KRT79: variants seen among roughly 807,000 people sequenced by gnomAD.
KRT79 encodes keratin 79.
KRT79 carries 51 observed loss-of-function variants against 49.0 expected under a neutral mutation model. The ratio of observed to expected loss-of-function variants is 1.04; its 90% confidence interval spans 0.83 to 1.31. The LOEUF is 1.31. Ranked by LOEUF, KRT79 falls within the 40% of genes most tolerant of loss-of-function variation. KRT79 has a pLI of 0.00. For missense variants in KRT79, 728 were observed against 688.0 expected (o/e 1.06, Z -0.65); for synonymous variants, 312 against 286.6 (o/e 1.09, Z -0.90).
intron 4 of KRT79, among the ~76,000 whole-genome samples, chr12:52,826,220 A>T (rs1263561595): frequency 6.6e-6 from 1 of 152,164 alleles, no homozygotes; most frequent in Non-Finnish European, 1.5e-5. Context: ...GGATGAGGTG[A>T]TGCAATGGTC....
At position 52,821,937 on chromosome 12, in the gene KRT79, C is replaced by T. The variant is rs1417912439; in HGVS notation, c.1543G>A (p.Val515Ile). 6.2e-7 allele frequency: 1 copy of T among 1,614,198 alleles called. No individual in the cohort carries two copies. Among genetic ancestry groups the T allele is most frequent in the East Asian group, 2.2e-5 (1 of 44,866 alleles). ...VGYSTVKGGP[V>I]SAGTSILRKT... ...CGCAGGATGGAGGTGCCCGCAGAGA[C>T]TGGCCCTCCCTTGACGGTGCTATAG... Residue 515 changes from valine (V) to isoleucine (I), a missense_variant, in exon 9 of 9, where the codon GTC (valine) becomes ATC (isoleucine). Transcript: ENST00000330553.
At chr12:52,829,961 T>C (rs567581008) in intron 4 of KRT79, 62 bp downstream of exon 4, 1 of 1,404,374 alleles carries the variant, frequency 7.1e-7, no homozygotes, top group Non-Finnish European at 1.0e-6. Flanking sequence ...CAGACCTCCA[T>C]GGAAAACGCC....
chr12:52,831,809 C>G (rs113086269), intron 1 of KRT79, among the ~76,000 whole-genome samples, 183 bp from the exon 2 acceptor site: 139 of 152,294 alleles, frequency 9.1e-4, no homozygotes, highest in African/African-American at 3.0e-3. Flanking sequence ...ACCGTCCAAT[C>G]TGATGGAAAG....
intron 1 of KRT79, 107 bp downstream of exon 1, chr12:52,833,677 C>T (rs1308162633): frequency 4.4e-6 from 4 of 914,130 alleles, no homozygotes; most frequent in Non-Finnish European, 7.2e-6. Flanking sequence ...CTCTATCAAC[C>T]ACCACCCTAG....
chr12:52,824,668 C>G (rs1356182806), intron 4 of KRT79, among the ~76,000 whole-genome samples: 2 of 152,242 alleles, frequency 1.3e-5, no homozygotes, highest in Non-Finnish European at 2.9e-5. Flanking sequence ...CTAGCACATT[C>G]ACTAACCCCT....
In KRT79 at chr12:52,834,275, C is replaced by T. The variant is rs370509343; in HGVS notation, c.-15G>A. 2.8e-5 allele frequency: 45 copies of T among 1,601,620 alleles called. No homozygotes were observed. Among genetic ancestry groups the T allele is most frequent in the South Asian group, 9.9e-5 (9 of 90,792 alleles). The stretch of plus-strand genomic sequence containing the variant: ...GAGGACCTCATAGCTGCAGAGGGGC[C>T]GGAGGGCAGGATGAGAGGGCAGGAA... On this transcript the variant is annotated 5_prime_UTR_variant, in exon 1 of 9. Coordinates refer to ENST00000330553, the MANE Select transcript of KRT79 (RefSeq NM_175834.3).
chr12:52,829,704 C>A (rs1013622517), intron 4 of KRT79, among the ~76,000 whole-genome samples: 1 of 152,170 alleles, frequency 6.6e-6, no homozygotes, highest in African/African-American at 2.4e-5. Flanking sequence ...AGTTCAAGAC[C>A]AGCCTGGCCA....
In KRT79 at chr12:52,834,013, C is replaced by A. The variant is rs376794232; in HGVS notation, c.248G>T (p.Arg83Leu). The A allele has an allele frequency of 1.2e-6, 2 of 1,612,488 alleles. No individual in the cohort carries two copies. Among genetic ancestry groups the A allele is most frequent in the Non-Finnish European group, 1.7e-6 (2 of 1,179,256 alleles). Residue 83 changes from arginine to leucine, a missense_variant, in exon 1 of 9, where the codon CGG becomes CTG. Coordinates refer to ENST00000330553, the MANE Select transcript of KRT79 (RefSeq NM_175834.3). The part of the protein sequence containing the change: ...VSVAGGALLG[R>L]ALGGFGFGSR... ...GCCAAAGCCAAAGCCCCCCAGAGCC[C>A]GCCCCAACAAGGCCCCTCCGGCCAC... is the stretch of plus-strand genomic sequence containing the variant.
Position 52,834,093 on chromosome 12 carries a change from G to A in KRT79, c.168C>T (p.Gly56=), listed in dbSNP as rs1474705246. The change falls in exon 1 of 9, where the codon GGC becomes GGT. Residue 56 remains glycine (G), a synonymous_variant. Coordinates refer to ENST00000330553, the MANE Select transcript of KRT79 (RefSeq NM_175834.3). ...AGTTATAGAGGCTTCGGCTGCCAAA[G>A]CCACCTGTGCCGGGGCCACAGTGGG... ...GGAHCGPGTG[G]FGSRSLYNLG... 2 of 1,613,106 alleles carry A rather than the reference G, an allele frequency of 1.2e-6. No homozygotes were observed. Among genetic ancestry groups the A allele is most frequent in the Admixed American group, 1.7e-5 (1 of 59,996 alleles).
intron 7 of KRT79, 107 bp downstream of exon 7, chr12:52,822,909 G>T (rs1249912978): frequency 3.6e-6 from 4 of 1,107,680 alleles, no homozygotes; most frequent in Non-Finnish European, 3.8e-6. Flanking sequence ...TCAGGATCTT[G>T]CTCCCTGGTT....
At chr12:52,826,323 G>A (rs1940175224) in intron 4 of KRT79, among the ~76,000 whole-genome samples, 1 of 151,948 alleles carries the variant, frequency 6.6e-6, no homozygotes, top group African/African-American at 2.4e-5. Context: ...AGGCTAGCCT[G>A]GGGAAAATGG....
At position 52,823,820 on chromosome 12, in the gene KRT79, C is replaced by A. The variant is rs201910271; in HGVS notation, c.1146+67G>T. 7.1e-6 allele frequency: 11 copies of A among 1,548,512 alleles called. No homozygotes were observed. In the Admixed American group the frequency reaches 2.3e-4, roughly 32 times the overall value. ...CAGGAGAAGAGCAGGCCTAGCCCCT[C>A]GGGGTGACAATGAGAAGGCCCTGCC... On this transcript the variant is annotated intron_variant, in intron 6 of 8. Coordinates refer to ENST00000330553, the MANE Select transcript of KRT79 (RefSeq NM_175834.3).
At position 52,833,166 on chromosome 12, in the gene KRT79, T is replaced by C. The variant is rs141985388; in HGVS notation, c.477+618A>G. ...CAAATTCCACATTCCCAGAGCTTGG[T>C]GACCTGGTGACCACCCTCCTCATTG... is the stretch of plus-strand genomic sequence containing the variant. On this transcript the variant is annotated intron_variant, in intron 1 of 8. Transcript: ENST00000330553. Among the ~76,000 whole-genome samples the C allele has an allele frequency of 2.3e-3, 345 of 152,276 alleles. 2 individuals are homozygous for C. Among genetic ancestry groups the C allele is most frequent in the African/African-American group, 7.8e-3 (324 of 41,550 alleles).
chr12:52,822,314 G>A, intron 8 of KRT79, 31 bp downstream of exon 8: 3 of 1,601,452 alleles, frequency 1.9e-6, no homozygotes, highest in South Asian at 1.1e-5. Flanking sequence ...CTGGCCAGGG[G>A]TGGAGCAGGA....
At position 52,822,055 on chromosome 12, in the gene KRT79, A is replaced by T; in HGVS notation, c.1425T>A (p.Thr475=). 6.2e-7 allele frequency: 1 copy of T among 1,614,052 alleles called. No individual in the cohort carries two copies. The highest frequency in any genetic ancestry group is 8.5e-7 in the Non-Finnish European group (1 of 1,180,000). The change falls in exon 9 of 9, where the codon ACT becomes ACA. Residue 475 remains threonine (T), a synonymous_variant. Coordinates refer to ENST00000330553, the MANE Select transcript of KRT79 (RefSeq NM_175834.3). ...AGCTGGCTGCGCCACCTCCGCACAC[A>T]GTGGTGGAGTTGCCAGTCACAGCTG... ...VSISVTGNST[T]VCGGGAASFG...
intron 1 of KRT79, among the ~76,000 whole-genome samples, chr12:52,833,583 C>T (rs149258272): frequency 2.4e-4 from 36 of 152,230 alleles, no homozygotes; most frequent in African/African-American, 7.5e-4. Flanking sequence ...AGACTCCCCC[C>T]GCACAGGCAC....
chr12:52,821,773 C>G lies in KRT79; in HGVS notation c.*99G>C. The G allele has an allele frequency of 9.2e-7, 1 of 1,084,294 alleles. No homozygotes were observed. The highest frequency in any genetic ancestry group is 1.4e-6 in the Non-Finnish European group (1 of 732,532). 67.2% of individuals were successfully genotyped at this position (1,084,294 alleles called of 1,614,324 possible). A position where few individuals can be genotyped will look rare whatever the true frequency, so the allele number is the denominator to read the frequency against. ...GAAAATACCCTGGGTCTGAGGTCCC[C>G]TGGCTGTTCCTGCTCCTGAGAAGTG... On this transcript the variant is annotated 3_prime_UTR_variant, in exon 9 of 9. Coordinates refer to ENST00000330553, the MANE Select transcript of KRT79 (RefSeq NM_175834.3).
In KRT79 at chr12:52,823,738, T is replaced by A; in HGVS notation, c.1146+149A>T. On this transcript the variant is annotated intron_variant, in intron 6 of 8. Transcript: ENST00000330553. ...AGCTCCTTCCTGCTCTGTGCCTCAGTTTCCCCCCATGTAAAAGGAGCCTGT... is the reference window on the plus strand; with the variant it reads ...AGCTCCTTCCTGCTCTGTGCCTCAGATTCCCCCCATGTAAAAGGAGCCTGT... 6.6e-6 allele frequency: 6 copies of A among 908,380 alleles called. No individual in the cohort carries two copies. In the South Asian group the frequency reaches 9.1e-5, roughly 14 times the overall value. 56.3% of individuals were successfully genotyped at this position (908,380 alleles called of 1,614,324 possible).
rs764706317 is a variant in KRT79 at position 52,821,740 on chromosome 12, T to G, written c.*132A>C. 32 of 750,136 alleles carry G rather than the reference T, an allele frequency of 4.3e-5. No individual in the cohort carries two copies. The highest frequency in any genetic ancestry group is 6.8e-5 in the Non-Finnish European group (31 of 454,962). The allele number at this position is 750,136 out of a possible 1,614,324, so 46.5% of individuals were successfully genotyped here. On this transcript the variant is annotated 3_prime_UTR_variant, in exon 9 of 9. Coordinates refer to ENST00000330553, the MANE Select transcript of KRT79 (RefSeq NM_175834.3). Reference sequence around the variant, plus strand: ...TGAGCGCTTCCCAAGATGCAAATAGTCTGGTATGAAAATACCCTGGGTCTG... The same window carrying G: ...TGAGCGCTTCCCAAGATGCAAATAGGCTGGTATGAAAATACCCTGGGTCTG...
Sources: gnomAD v4.1 joint callset for allele counts (sites outside exome capture counted in the v4.1 genomes callset) on GRCh38, gnomAD v4.1.1 for gene constraint, MANE v1.5 for transcripts, NCBI Gene and HGNC (gene_info 2026-07-23, HGNC 2026-07-21) for gene names.